The following ELMOD2 variants were observed in gnomAD, a reference collection of about 807,000 sequenced individuals.
ELMOD2 encodes the protein ELMO domain containing 2.
A neutral mutation model predicts 41.0 loss-of-function variants in ELMOD2; 28 were observed. That is an observed-to-expected ratio of 0.68 (90% confidence interval 0.51 to 0.94). The LOEUF (loss-of-function observed/expected upper bound fraction) is 0.94. Ranked by LOEUF, ELMOD2 falls within the 40% of genes least tolerant of loss-of-function variation. The probability of loss-of-function intolerance (pLI) is 0.00; values close to 1 mark genes in which losing one functional copy is unlikely to be tolerated. For missense variants in ELMOD2, 333 were observed against 343.1 expected (o/e 0.97, Z 0.23); for synonymous variants, 106 against 107.2 (o/e 0.99, Z 0.07).
At position 140,537,397 on chromosome 4, in the gene ELMOD2, T is replaced by G. The variant is rs1437505669; in HGVS notation, c.270-15T>G. On this transcript the variant is annotated splice_polypyrimidine_tract_variant and intron_variant, in intron 4 of 8. Transcript: ENST00000323570. Reference sequence around the variant, plus strand: ...AAGAGGGTATGCTTTTTAAAAATAATTTTATCATTTTTAGTTTTAAAATAT... The same window carrying G: ...AAGAGGGTATGCTTTTTAAAAATAAGTTTATCATTTTTAGTTTTAAAATAT... 3.4e-6 allele frequency: 5 copies of G among 1,482,580 alleles called. No individual in the cohort carries two copies. The highest frequency in any genetic ancestry group is 4.5e-6 in the Non-Finnish European group (5 of 1,123,180). 91.8% of individuals were successfully genotyped at this position (1,482,580 alleles called of 1,614,324 possible).
Position 140,537,541 on chromosome 4 carries a change from G to C in ELMOD2, c.399G>C (p.Lys133Asn). 3.8e-6 allele frequency: 6 copies of C among 1,596,110 alleles called. No homozygotes were observed. Among genetic ancestry groups the C allele is most frequent in the African/African-American group, 1.4e-5 (1 of 73,702 alleles). ...TACAGCATGAAGAGCTACTCATGAAGGTAAATTTCTGTTTTCTTTATGTGG... is the reference window on the plus strand; with the variant it reads ...TACAGCATGAAGAGCTACTCATGAACGTAAATTTCTGTTTTCTTTATGTGG... ...DNLQHEELLM[K>N]LWNLLMPTKK... Residue 133 changes from lysine (K) to asparagine (N), a missense_variant and splice_region_variant, in exon 5 of 9, where the codon AAG becomes AAC. Lys to Asn is a moderately conservative substitution (Grantham distance 94). Coordinates refer to ENST00000323570, the MANE Select transcript of ELMOD2 (RefSeq NM_153702.4).
intron 3 of ELMOD2, among the ~76,000 whole-genome samples, chr4:140,532,654 T>C (rs1351466276): frequency 6.6e-6 from 1 of 152,182 alleles, no homozygotes; most frequent in Admixed American, 6.5e-5. Flanking sequence ...GTGAAAAACC[T>C]GCAGCTAACA....
In ELMOD2 at chr4:140,542,687, A is replaced by G. The variant is rs774370188; in HGVS notation, c.602+45A>G. 5.3e-6 allele frequency: 7 copies of G among 1,325,424 alleles called. No homozygotes were observed. In the East Asian group the frequency reaches 1.2e-4, roughly 22 times the overall value. 82.1% of individuals were successfully genotyped at this position (1,325,424 alleles called of 1,614,324 possible). A position where few individuals can be genotyped will look rare whatever the true frequency, so the allele number is the denominator to read the frequency against. On this transcript the variant is annotated intron_variant, in intron 7 of 8. Coordinates refer to ENST00000323570, the MANE Select transcript of ELMOD2 (RefSeq NM_153702.4). Reference sequence around the variant, plus strand: ...GAAGCCGTAATCTCTTGCATTTATAATGATTAGATGATTTAATGAATTTGA... The same window carrying G: ...GAAGCCGTAATCTCTTGCATTTATAGTGATTAGATGATTTAATGAATTTGA...
At chr4:140,541,325 TG>T (rs1171955988) in intron 6 of ELMOD2, among the ~76,000 whole-genome samples, 1 of 152,172 alleles carries the variant, frequency 6.6e-6, no homozygotes, top group Non-Finnish European at 1.5e-5. Flanking sequence ...TTAATATTGA[TG>T]GTTTTTTTAA....
At position 140,551,001 on chromosome 4, in the gene ELMOD2, G is replaced by A. The variant is rs899076436; in HGVS notation, c.*626G>A. The A allele has an allele frequency of 1.3e-5, 2 of 152,046 alleles. No homozygotes were observed. Among genetic ancestry groups the A allele is most frequent in the Non-Finnish European group, 2.9e-5 (2 of 67,958 alleles). The allele number at this position is 152,046 out of a possible 1,614,324, so 9.4% of individuals were successfully genotyped here. ...GAGAGAATGACAGTATTGGTGACTA[G>A]CTTTTTTGTTTTTAAATAACACACT... On this transcript the variant is annotated 3_prime_UTR_variant, in exon 9 of 9. Transcript: ENST00000323570.
At chr4:140,540,369 C>G (rs1578768728) in intron 6 of ELMOD2, 68 bp downstream of exon 6, 1 of 1,573,892 alleles carries the variant, frequency 6.4e-7, no homozygotes, top group Non-Finnish European at 8.7e-7. Flanking sequence ...CTAGTTACTT[C>G]TAATAAGAAG....
At chr4:140,531,036 G>A (rs1734730395) in intron 3 of ELMOD2, among the ~76,000 whole-genome samples, 1 of 152,038 alleles carries the variant, frequency 6.6e-6, no homozygotes, top group Non-Finnish European at 1.5e-5. Flanking sequence ...TACTTAGTAA[G>A]TATTCAACAA....
chr4:140,525,403 A>G lies in ELMOD2; in HGVS notation c.-9-17A>G. On this transcript the variant is annotated splice_polypyrimidine_tract_variant and intron_variant, in intron 1 of 8. Coordinates refer to ENST00000323570, the MANE Select transcript of ELMOD2 (RefSeq NM_153702.4). ...TTTAAGGTCATTAAGCTTGTCTTGT[A>G]TGTTTCCCTCCTCCAGGAAAAAAAA... 6.2e-7 allele frequency: 1 copy of G among 1,610,134 alleles called. No individual in the cohort carries two copies. Among genetic ancestry groups the G allele is most frequent in the Non-Finnish European group, 8.5e-7 (1 of 1,178,680 alleles).
chr4:140,531,875 T>C (rs1315911558), intron 3 of ELMOD2, among the ~76,000 whole-genome samples: 2 of 152,160 alleles, frequency 1.3e-5, no homozygotes, highest in African/African-American at 4.8e-5. Context: ...ATAGAAACTG[T>C]AATTTAAAAT....
chr4:140,535,137 T>TTCTCTCTC (rs10526729), intron 3 of ELMOD2, among the ~76,000 whole-genome samples: 4 of 141,402 alleles, frequency 2.8e-5, no homozygotes, highest in African/African-American at 1.1e-4. Flanking sequence ...ATCTGTTTCT[T>TTCTCTCTC]TCTCTCTCTC....
At chr4:140,546,628 T>C (rs1735295348) in intron 8 of ELMOD2, among the ~76,000 whole-genome samples, 1 of 151,638 alleles carries the variant, frequency 6.6e-6, no homozygotes, top group Non-Finnish European at 1.5e-5. Context: ...AAAAAAGAAT[T>C]TGAAAACTCC....
rs529764979 is a variant in ELMOD2, at chr4:140,538,917, G to A, written c.400-1251G>A. On this transcript the variant is annotated intron_variant, in intron 5 of 8. Transcript: ENST00000323570. Reference sequence around the variant, plus strand: ...GCATATTAAATTTTTAATACTAGTGGTTCTACACTGTGGCTCTCACCACAT... The same window carrying A: ...GCATATTAAATTTTTAATACTAGTGATTCTACACTGTGGCTCTCACCACAT... 3.7e-4 allele frequency among the ~76,000 whole-genome samples: 57 copies of A among 152,248 alleles called. 2 individuals carry two copies. The South Asian group carries it at 0.012, about 31-fold the overall frequency.
At chr4:140,533,401 A>G (rs969564537) in intron 3 of ELMOD2, among the ~76,000 whole-genome samples, 1 of 152,174 alleles carries the variant, frequency 6.6e-6, no homozygotes, top group Non-Finnish European at 1.5e-5. Context: ...GAGCAATTCA[A>G]TGAGGAGAAG....
chr4:140,544,444 T>C (rs2321274), intron 8 of ELMOD2, among the ~76,000 whole-genome samples: 30,374 of 152,144 alleles, frequency 0.2, 3,122 homozygotes, highest in Admixed American at 0.27. Context: ...CAGGCCTTTG[T>C]TACTAGGTTA....
At position 140,550,858 on chromosome 4, in the gene ELMOD2, A is replaced by G. The variant is rs945432719; in HGVS notation, c.*483A>G. ...TTTCTTTATGGTTTTCTTTGTTTGC[A>G]TCTTAATTACATGTCATAACGTTGC... On this transcript the variant is annotated 3_prime_UTR_variant, in exon 9 of 9. Coordinates refer to ENST00000323570, the MANE Select transcript of ELMOD2 (RefSeq NM_153702.4). The G allele has an allele frequency of 6.6e-6, 1 of 152,336 alleles. No homozygotes were observed. The highest frequency in any genetic ancestry group is 1.9e-4 in the East Asian group (1 of 5,194). The allele number at this position is 152,336 out of a possible 1,614,324, so 9.4% of individuals were successfully genotyped here. A position where few individuals can be genotyped will look rare whatever the true frequency, so the allele number is the denominator to read the frequency against.
At chr4:140,525,855 A>C (rs182366165) in intron 2 of ELMOD2, among the ~76,000 whole-genome samples, 1 of 152,236 alleles carries the variant, frequency 6.6e-6, no homozygotes, top group Non-Finnish European at 1.5e-5. Context: ...AAAAATTTCT[A>C]TACTTACATA....
intron 8 of ELMOD2, among the ~76,000 whole-genome samples, chr4:140,545,221 C>T (rs544497292): frequency 2.6e-5 from 4 of 152,110 alleles, no homozygotes; most frequent in Non-Finnish European, 5.9e-5. Context: ...AATGACCACA[C>T]GTTTCTTTTC....
chr4:140,545,734 AAT>A (rs1474443702), intron 8 of ELMOD2, among the ~76,000 whole-genome samples: 2 of 152,186 alleles, frequency 1.3e-5, no homozygotes, highest in African/African-American at 4.8e-5. Context: ...TTTTTAAATG[AAT>A]ATATCCCTTG....
chr4:140,532,145 G>A (rs1734768507), intron 3 of ELMOD2, among the ~76,000 whole-genome samples: 1 of 150,912 alleles, frequency 6.6e-6, no homozygotes, highest in Non-Finnish European at 1.5e-5. Flanking sequence ...ACATAAAAAG[G>A]ATAATATGTC....
Sources: allele counts gnomAD v4.1 joint callset (sites outside exome capture counted in the v4.1 genomes callset), GRCh38; gene constraint gnomAD v4.1.1; transcripts MANE v1.5; gene names NCBI Gene and HGNC (gene_info 2026-07-23, HGNC 2026-07-21).